ADRA2C: variants seen among roughly 807,000 people sequenced by gnomAD.
ADRA2C encodes the protein adrenoceptor alpha 2C, also known as alpha-2C adrenergic receptor.
ADRA2C carries 4 observed loss-of-function variants against 7.9 expected under a neutral mutation model. The ratio of observed to expected loss-of-function variants is 0.51; its 90% CI spans 0.25 to 1.16. The LOEUF is 1.16. Among genes scored for constraint, ADRA2C ranks in the 50% most tolerant of loss-of-function variants. The pLI is 0.15. For synonymous variants in ADRA2C, 368 were observed against 328.9 expected, an observed-to-expected ratio of 1.12 and a Z score of -1.29; for missense variants, 589 against 677.7, an observed-to-expected ratio of 0.87 and a Z score of 1.45.
In ADRA2C at chr4:3,767,244, C is replaced by A. The variant is rs767554288; in HGVS notation, c.638C>A (p.Ser213Tyr). Reference protein sequence around the residue: ...GLNDETWYILSSCIGSFFAPC... With the variant: ...GLNDETWYILYSCIGSFFAPC... ...AACGACGAGACCTGGTACATCCTGT[C>A]CTCCTGCATCGGCTCCTTCTTCGCG... Residue 213 changes from serine (S) to tyrosine (Y), a missense_variant, in exon 1 of 1, where the codon TCC (serine) becomes TAC (tyrosine). By Grantham distance (144) the Ser-to-Tyr change is moderately radical. Coordinates refer to ENST00000330055, the MANE Select transcript of ADRA2C (RefSeq NM_000683.4). 1.2e-6 allele frequency: 2 copies of A among 1,609,740 alleles called. No individual in the cohort carries two copies. The highest frequency in any genetic ancestry group is 1.7e-6 in the Non-Finnish European group (2 of 1,178,734).
At position 3,768,089 on chromosome 4, in the gene ADRA2C, T is replaced by TTTCCCAGAGACCCGGGGAC. The variant is rs1735501090; in HGVS notation, c.*94_*95insTTCCCAGAGACCCGGGGAC. ...GGGAGCTTTCCCAGAGACCCGGGGA[T>TTTCCCAGAGACCCGGGGAC]GGATTGGCCTCCAGGGCGCAGGGGA... On this transcript the variant is annotated 3_prime_UTR_variant, in exon 1 of 1. Transcript: ENST00000330055. 3.0e-4 allele frequency: 35 copies of TTTCCCAGAGACCCGGGGAC among 117,638 alleles called. No homozygotes were observed. Among genetic ancestry groups the TTTCCCAGAGACCCGGGGAC allele is most frequent in the South Asian group, 2.2e-3 (30 of 13,720 alleles). The allele number at this position is 117,638 out of a possible 1,614,324, so 7.3% of individuals were successfully genotyped here. A position where few individuals can be genotyped will look rare whatever the true frequency, so the allele number is the denominator to read the frequency against.
Position 3,766,734 on chromosome 4 carries a change from G to T in ADRA2C, c.128G>T (p.Arg43Leu). The T allele has an allele frequency of 6.8e-7, 1 of 1,478,316 alleles. No homozygotes were observed. Among genetic ancestry groups the T allele is most frequent in the Non-Finnish European group, 9.0e-7 (1 of 1,114,256 alleles). 91.6% of individuals were successfully genotyped at this position (1,478,316 alleles called of 1,614,324 possible). Reference protein sequence around the residue: ...NASGASWGPPRGQYSAGAVAG... With the variant: ...NASGASWGPPLGQYSAGAVAG... The stretch of plus-strand genomic sequence containing the variant: ...TCGGGGGCTTCCTGGGGGCCGCCGC[G>T]CGGCCAGTACTCGGCGGGCGCGGTG... Residue 43 changes from arginine (R) to leucine (L), a missense_variant, in exon 1 of 1, where the codon CGC becomes CTC. Arg to Leu is a moderately radical substitution (Grantham distance 102). Transcript: ENST00000330055. The surrounding 1 kb of genome is among the most constrained non-coding windows in gnomAD (Gnocchi z 4.5).
rs763271237 is a variant in ADRA2C, at chr4:3,766,964, G to A, written c.358G>A (p.Gly120Arg). 6.2e-7 allele frequency: 1 copy of A among 1,610,946 alleles called. No homozygotes were observed. The highest frequency in any genetic ancestry group is 1.1e-5 in the South Asian group (1 of 91,056). ...ANELMAYWYF[G>R]QVWCGVYLAL... ...CGAGCTCATGGCCTACTGGTACTTC[G>A]GGCAGGTGTGGTGCGGCGTGTACCT... The change falls in exon 1 of 1, where the codon GGG (glycine) becomes AGG (arginine). Residue 120 changes from glycine (G) to arginine (R), a missense_variant. By Grantham distance (125) the Gly-to-Arg change is moderately radical (BLOSUM62 -2). Coordinates refer to ENST00000330055, the MANE Select transcript of ADRA2C (RefSeq NM_000683.4). The surrounding 1 kb of genome is among the most constrained non-coding windows in gnomAD (Gnocchi z 4.5).
In ADRA2C at chr4:3,767,541, AG is replaced by A; in HGVS notation, c.941del (p.Gly314AlafsTer20). 2 of 1,030,930 alleles carry A rather than the reference AG, an allele frequency of 1.9e-6. No individual in the cohort carries two copies. Among genetic ancestry groups the A allele is most frequent in the Non-Finnish European group, 2.3e-6 (2 of 861,162 alleles). 63.9% of individuals were successfully genotyped at this position (1,030,930 alleles called of 1,614,324 possible). A position where few individuals can be genotyped will look rare whatever the true frequency, so the allele number is the denominator to read the frequency against. ...GGCGGGCGGCGGCGAGCGGGCGCGGAGGGGGGCGCGGGCGGTGCGGACGGGC... is the reference window on the plus strand; with the variant it reads ...GGCGGGCGGCGGCGAGCGGGCGCGGAGGGGGCGCGGGCGGTGCGGACGGGC... Reference protein sequence around the residue: ...RRGGRRRAGAEGGAGGADGQG... With the variant: ...RRGGRRRAGAXGGAGGADGQG... On this transcript the variant is annotated frameshift_variant, in exon 1 of 1. Transcript: ENST00000330055. LOFTEE classifies it low-confidence loss of function (END_TRUNC).
Position 3,768,440 on chromosome 4 carries a change from C to G in ADRA2C, c.*445C>G, listed in dbSNP as rs1735509795. 1.6e-6 allele frequency: 1 copy of G among 607,898 alleles called. No individual in the cohort carries two copies. The highest frequency in any genetic ancestry group is 3.0e-6 in the Non-Finnish European group (1 of 332,528). 37.7% of individuals were successfully genotyped at this position (607,898 alleles called of 1,614,324 possible). Reference sequence around the variant, plus strand: ...GGGGCAAGGAGAAAGCACCGACAATCTTTGATTACTGAAAGTATTTAAATG... The same window carrying G: ...GGGGCAAGGAGAAAGCACCGACAATGTTTGATTACTGAAAGTATTTAAATG... On this transcript the variant is annotated 3_prime_UTR_variant, in exon 1 of 1. Coordinates refer to ENST00000330055, the MANE Select transcript of ADRA2C (RefSeq NM_000683.4).
rs1735451697 is a variant in ADRA2C at position 3,766,744 on chromosome 4, C to T, written c.138C>T (p.Tyr46=). ...CCTGGGGGCCGCCGCGCGGCCAGTA[C>T]TCGGCGGGCGCGGTGGCAGGGCTGG... ...GASWGPPRGQ[Y]SAGAVAGLAA... The change falls in exon 1 of 1, where the codon TAC becomes TAT. Residue 46 remains tyrosine, a synonymous_variant. Coordinates refer to ENST00000330055, the MANE Select transcript of ADRA2C (RefSeq NM_000683.4). The surrounding 1 kb of genome is among the most constrained non-coding windows in gnomAD (Gnocchi z 4.5). 3 of 1,515,018 alleles carry T rather than the reference C, an allele frequency of 2.0e-6. No individual in the cohort carries two copies. The highest frequency in any genetic ancestry group is 2.7e-6 in the Non-Finnish European group (3 of 1,129,370). 93.8% of individuals were successfully genotyped at this position (1,515,018 alleles called of 1,614,324 possible). A position where few individuals can be genotyped will look rare whatever the true frequency, so the allele number is the denominator to read the frequency against.
In ADRA2C at chr4:3,768,397, TC is replaced by T; in HGVS notation, c.*403del. On this transcript the variant is annotated 3_prime_UTR_variant, in exon 1 of 1. Coordinates refer to ENST00000330055, the MANE Select transcript of ADRA2C (RefSeq NM_000683.4). ...AAGGGCTGACTTCTCCAGGACCTAGTCGGGGGGTGGCTGCCAGGGGGCAAGG... is the reference window on the plus strand; with the variant it reads ...AAGGGCTGACTTCTCCAGGACCTAGTGGGGGGTGGCTGCCAGGGGGCAAGG... The T allele has an allele frequency of 1.6e-6, 1 of 638,250 alleles. No individual in the cohort carries two copies. The highest frequency in any genetic ancestry group is 2.9e-5 in the East Asian group (1 of 35,048). 39.5% of individuals were successfully genotyped at this position (638,250 alleles called of 1,614,324 possible). A position where few individuals can be genotyped will look rare whatever the true frequency, so the allele number is the denominator to read the frequency against.
At position 3,768,150 on chromosome 4, in the gene ADRA2C, C is replaced by T. The variant is rs1217150538; in HGVS notation, c.*155C>T. ...GGGCAGGAGCTTGGCAGAGAGATAG[C>T]CGGGCTCCAGGGAGTGGGGAGGAGA... On this transcript the variant is annotated 3_prime_UTR_variant, in exon 1 of 1. Transcript: ENST00000330055. 2.6e-6 allele frequency: 2 copies of T among 772,822 alleles called. No homozygotes were observed. Among genetic ancestry groups the T allele is most frequent in the Admixed American group, 4.3e-5 (2 of 46,724 alleles). The allele number at this position is 772,822 out of a possible 1,614,324, so 47.9% of individuals were successfully genotyped here.
In ADRA2C at chr4:3,768,062, G is replaced by GGAGGAGCTTTCCCAGAGACCC. The variant is rs1735498816; in HGVS notation, c.*68_*69insAGGAGCTTTCCCAGAGACCCG. 2.6e-6 allele frequency: 3 copies of GGAGGAGCTTTCCCAGAGACCC among 1,157,882 alleles called. No homozygotes were observed. Among genetic ancestry groups the GGAGGAGCTTTCCCAGAGACCC allele is most frequent in the Admixed American group, 2.4e-5 (1 of 41,426 alleles). 71.7% of individuals were successfully genotyped at this position (1,157,882 alleles called of 1,614,324 possible). On this transcript the variant is annotated 3_prime_UTR_variant, in exon 1 of 1. Coordinates refer to ENST00000330055, the MANE Select transcript of ADRA2C (RefSeq NM_000683.4). ...GCTGGGCAGAAGGGGCGGCCCGGACGGGGGAGCTTTCCCAGAGACCCGGGG... is the reference window on the plus strand; with the variant it reads ...GCTGGGCAGAAGGGGCGGCCCGGACGGAGGAGCTTTCCCAGAGACCCGGGGAGCTTTCCCAGAGACCCGGGG...
chr4:3,767,397 T>TGGGCGCGGCGGC lies in ADRA2C; in HGVS notation c.792_803dup (p.Ala267_Ala270dup). 4 of 1,534,210 alleles carry TGGGCGCGGCGGC rather than the reference T, an allele frequency of 2.6e-6. No individual in the cohort carries two copies. The highest frequency in any genetic ancestry group is 3.5e-6 in the Non-Finnish European group (4 of 1,145,004). ...GCGTCCCCGACTACCGAAAACGGGC[T>TGGGCGCGGCGGC]GGGCGCGGCGGCAGGCGCAGGCGAG... On this transcript the variant is annotated inframe_insertion, in exon 1 of 1. Coordinates refer to ENST00000330055, the MANE Select transcript of ADRA2C (RefSeq NM_000683.4).
rs1310412805 is a variant in ADRA2C at position 3,767,438 on chromosome 4, C to T, written c.832C>T (p.Pro278Ser). The T allele has an allele frequency of 1.5e-5, 22 of 1,501,090 alleles. No homozygotes were observed. The highest frequency in any genetic ancestry group is 2.6e-5 in the East Asian group (1 of 38,980). 93.0% of individuals were successfully genotyped at this position (1,501,090 alleles called of 1,614,324 possible). Residue 278 changes from proline (P) to serine (S), a missense_variant, in exon 1 of 1, where the codon CCC becomes TCC. Physicochemically the swap from Pro to Ser is moderately conservative, Grantham distance 74. Coordinates refer to ENST00000330055, the MANE Select transcript of ADRA2C (RefSeq NM_000683.4). ...CGCAGGCGAGAACGGGCACTGCGCG[C>T]CCCCGCCCGCCGACGTGGAGCCGGA... ...AGAGENGHCA[P>S]PPADVEPDES...
Position 3,768,079 on chromosome 4 carries a change from G to GACCCGGGGAGCTTTCCCAGAC in ADRA2C, c.*93_*94insGCTTTCCCAGACACCCGGGGA. On this transcript the variant is annotated 3_prime_UTR_variant, in exon 1 of 1. Transcript: ENST00000330055. Reference sequence around the variant, plus strand: ...GCCCGGACGGGGGAGCTTTCCCAGAGACCCGGGGATGGATTGGCCTCCAGG... The same window carrying GACCCGGGGAGCTTTCCCAGAC: ...GCCCGGACGGGGGAGCTTTCCCAGAGACCCGGGGAGCTTTCCCAGACACCCGGGGATGGATTGGCCTCCAGG... 2 of 1,421,804 alleles carry GACCCGGGGAGCTTTCCCAGAC rather than the reference G, an allele frequency of 1.4e-6. No individual in the cohort carries two copies. Among genetic ancestry groups the GACCCGGGGAGCTTTCCCAGAC allele is most frequent in the South Asian group, 1.3e-5 (1 of 75,446 alleles). The allele number at this position is 1,421,804 out of a possible 1,614,324, so 88.1% of individuals were successfully genotyped here. A position where few individuals can be genotyped will look rare whatever the true frequency, so the allele number is the denominator to read the frequency against.
Position 3,768,243 on chromosome 4 carries a change from A to C in ADRA2C, c.*248A>C, listed in dbSNP as rs1244762838. 1.4e-6 allele frequency: 1 copy of C among 717,886 alleles called. No individual in the cohort carries two copies. The highest frequency in any genetic ancestry group is 1.7e-5 in the African/African-American group (1 of 57,260). 44.5% of individuals were successfully genotyped at this position (717,886 alleles called of 1,614,324 possible). A position where few individuals can be genotyped will look rare whatever the true frequency, so the allele number is the denominator to read the frequency against. On this transcript the variant is annotated 3_prime_UTR_variant, in exon 1 of 1. Transcript: ENST00000330055. ...CTTCTGGGGCTCCCTGCCTGGATCC[A>C]GCTCTGGGAGCCCTGCCGAGGTGTG...
chr4:3,768,510 A>G lies in ADRA2C; in HGVS notation c.*515A>G, dbSNP rs1310901551. The G allele has an allele frequency of 5.3e-6, 3 of 571,006 alleles. No individual in the cohort carries two copies. The African/African-American group carries it at 5.7e-5, about 11-fold the overall frequency. The allele number at this position is 571,006 out of a possible 1,614,324, so 35.4% of individuals were successfully genotyped here. A position where few individuals can be genotyped will look rare whatever the true frequency, so the allele number is the denominator to read the frequency against. On this transcript the variant is annotated 3_prime_UTR_variant, in exon 1 of 1. Coordinates refer to ENST00000330055, the MANE Select transcript of ADRA2C (RefSeq NM_000683.4). ...AAAACAACCAAACTATTTTCTAAAT[A>G]AACCTTTGTAATCTAATGTTGGGTG...
Position 3,767,113 on chromosome 4 carries a change from G to T in ADRA2C, c.507G>T (p.Lys169Asn). 6.2e-7 allele frequency: 1 copy of T among 1,609,304 alleles called. No individual in the cohort carries two copies. The highest frequency in any genetic ancestry group is 8.5e-7 in the Non-Finnish European group (1 of 1,179,900). Residue 169 changes from lysine (K) to asparagine (N), a missense_variant, in exon 1 of 1, where the codon AAG becomes AAT. Coordinates refer to ENST00000330055, the MANE Select transcript of ADRA2C (RefSeq NM_000683.4). ...TGAAGCGCACACCACGCCGCGTCAA[G>T]GCCACCATCGTGGCCGTGTGGCTCA... ...YNLKRTPRRV[K>N]ATIVAVWLIS...
Position 3,767,796 on chromosome 4 carries a change from C to A in ADRA2C, c.1190C>A (p.Pro397His). 1 of 1,613,296 alleles carries A rather than the reference C, an allele frequency of 6.2e-7. No individual in the cohort carries two copies. Among genetic ancestry groups the A allele is most frequent in the Non-Finnish European group, 8.5e-7 (1 of 1,179,860 alleles). Residue 397 changes from proline (P) to histidine (H), a missense_variant, in exon 1 of 1, where the codon CCC becomes CAC. Coordinates refer to ENST00000330055, the MANE Select transcript of ADRA2C (RefSeq NM_000683.4). Reference sequence around the variant, plus strand: ...GGCGTGTTCGTGCTCTGCTGGTTCCCCTTCTTCTTCAGCTACAGCCTGTAC... The same window carrying A: ...GGCGTGTTCGTGCTCTGCTGGTTCCACTTCTTCTTCAGCTACAGCCTGTAC... ...VMGVFVLCWF[P>H]FFFSYSLYGI...
rs1735509757 is a variant in ADRA2C at position 3,768,434 on chromosome 4, G to C, written c.*439G>C. ...TGCCAGGGGGCAAGGAGAAAGCACC[G>C]ACAATCTTTGATTACTGAAAGTATT... On this transcript the variant is annotated 3_prime_UTR_variant, in exon 1 of 1. Transcript: ENST00000330055. 6 of 608,800 alleles carry C rather than the reference G, an allele frequency of 9.9e-6. No homozygotes were observed. Among genetic ancestry groups the C allele is most frequent in the Admixed American group, 9.2e-5 (3 of 32,690 alleles). 37.7% of individuals were successfully genotyped at this position (608,800 alleles called of 1,614,324 possible). A position where few individuals can be genotyped will look rare whatever the true frequency, so the allele number is the denominator to read the frequency against.
chr4:3,767,767 C>T lies in ADRA2C; in HGVS notation c.1161C>T (p.Val387=). Reference sequence around the variant, plus strand: ...GCTTCACCTTTGTGCTGGCTGTGGTCATGGGCGTGTTCGTGCTCTGCTGGT... The same window carrying T: ...GCTTCACCTTTGTGCTGGCTGTGGTTATGGGCGTGTTCGTGCTCTGCTGGT... ...EKRFTFVLAV[V]MGVFVLCWFP... is the part of the protein sequence containing the mutation. The change falls in exon 1 of 1, where the codon GTC becomes GTT. Residue 387 remains valine (V), a synonymous_variant. Transcript: ENST00000330055. 1.2e-6 allele frequency: 2 copies of T among 1,613,224 alleles called. No individual in the cohort carries two copies. Among genetic ancestry groups the T allele is most frequent in the African/African-American group, 1.3e-5 (1 of 75,076 alleles).
rs1735476897 is a variant in ADRA2C at position 3,767,512 on chromosome 4, G to A, written c.906G>A (p.Arg302=). 2.0e-6 allele frequency: 2 copies of A among 1,023,158 alleles called. No individual in the cohort carries two copies. Among genetic ancestry groups the A allele is most frequent in the Non-Finnish European group, 2.3e-6 (2 of 856,502 alleles). 63.4% of individuals were successfully genotyped at this position (1,023,158 alleles called of 1,614,324 possible). A position where few individuals can be genotyped will look rare whatever the true frequency, so the allele number is the denominator to read the frequency against. The change falls in exon 1 of 1, where the codon CGG becomes CGA. Residue 302 remains arginine (R), a synonymous_variant. Transcript: ENST00000330055. ...GGCGGCGGCGCCGGGGCGCGTTGCG[G>A]CGGGGCGGGCGGCGGCGAGCGGGCG... is the stretch of plus-strand genomic sequence containing the variant. ...AERRRRRGAL[R]RGGRRRAGAE... is the part of the protein sequence containing the mutation.
Sources: allele counts gnomAD v4.1 joint callset, GRCh38; gene constraint gnomAD v4.1.1; non-coding constraint Gnocchi (gnomAD v3.1); transcripts MANE v1.5; gene names NCBI Gene and HGNC (gene_info 2026-07-23, HGNC 2026-07-21).